Variants in AP1G2 observed in about 807,000 individuals in gnomAD.
AP1G2 encodes AP-1 complex subunit gamma-like 2.
AP1G2 carries 85 observed loss-of-function variants against 95.8 expected under a neutral mutation model. The ratio of observed to expected loss-of-function variants is 0.89; its 90% confidence interval spans 0.74 to 1.06. AP1G2 has a LOEUF of 1.06. AP1G2 is among the 50% of genes least tolerant of loss of function. The probability of loss-of-function intolerance (pLI) is 0.00; values close to 1 mark genes in which losing one functional copy is unlikely to be tolerated. For synonymous variants in AP1G2, 378 were observed against 400.0 expected (o/e 0.94, Z 0.66); for missense variants, 967 against 1,005.8 (o/e 0.96, Z 0.52).
intron 10 of AP1G2, 75 bp from the exon 11 acceptor site, chr14:23,564,234 A>T: frequency 6.2e-7 from 1 of 1,612,650 alleles, no homozygotes; most frequent in South Asian, 1.1e-5. Context: ...GGGTATAGGG[A>T]TAAGATAAGA....
Position 23,564,108 on chromosome 14 carries a change from A to C in AP1G2, c.1029T>G (p.Ala343=). Residue 343 remains alanine (A), a synonymous_variant, in exon 11 of 22, where the codon GCT becomes GCG. Transcript: ENST00000397120. The part of the protein sequence containing the change: ...LLRLVQSDHS[A]VQRHRPTVVE... ...CCACAGTGGGCCGATGCCGCTGCAC[A>C]GCACTGTGATCAGACTGCACCAGTC... 1 of 1,614,194 alleles carries C rather than the reference A, an allele frequency of 6.2e-7. No individual in the cohort carries two copies. The highest frequency in any genetic ancestry group is 8.5e-7 in the Non-Finnish European group (1 of 1,180,024).
At chr14:23,565,237 A>G (rs766617433) in intron 7 of AP1G2, 38 bp from the exon 8 acceptor site, 2 of 1,601,922 alleles carry the variant, frequency 1.2e-6, no homozygotes, top group East Asian at 4.5e-5. Flanking sequence ...GGAGGGGTTC[A>G]TAGGATAAGG....
intron 16 of AP1G2, 80 bp downstream of exon 16, chr14:23,562,208 C>T: frequency 1.3e-6 from 2 of 1,599,520 alleles, no homozygotes; most frequent in Non-Finnish European, 1.7e-6. Context: ...GAGGGCTGGG[C>T]ATGTATGCCT....
In AP1G2 at chr14:23,561,331, T is replaced by C; in HGVS notation, c.1958A>G (p.His653Arg). The C allele has an allele frequency of 6.4e-7, 1 of 1,570,770 alleles. No homozygotes were observed. Among genetic ancestry groups the C allele is most frequent in the Non-Finnish European group, 8.6e-7 (1 of 1,158,264 alleles). ...AGGTACACAGGGAAGGTCAAGCAGG[T>C]GTACCAGGGCACCTCCTGGGGAGGG... The part of the protein sequence containing the change: ...LDPSPGGALV[H>R]LLDLPCVPPP... Residue 653 changes from histidine to arginine, a missense_variant, in exon 19 of 22, where the codon CAC (histidine) becomes CGC (arginine). His to Arg is a conservative substitution (Grantham distance 29, BLOSUM62 0). Coordinates refer to ENST00000397120, the MANE Select transcript of AP1G2 (RefSeq NM_003917.5).
At chr14:23,564,711 C>T in intron 8 of AP1G2, 51 bp from the exon 9 acceptor site, 1 of 1,549,468 alleles carries the variant, frequency 6.5e-7, no homozygotes, top group Non-Finnish European at 8.9e-7. Flanking sequence ...CCTCAGGTCT[C>T]CTTTTTTTGA....
At position 23,561,380 on chromosome 14, in the gene AP1G2, C is replaced by T; in HGVS notation, c.1909G>A (p.Val637Ile). ...LDLLDGASGD[V>I]QHPPHLDPSP... ...GGGTCCAGATGGGGAGGATGCTGGACATCCCCAGAAGCCCCATCCAGGAGA... is the reference window on the plus strand; with the variant it reads ...GGGTCCAGATGGGGAGGATGCTGGATATCCCCAGAAGCCCCATCCAGGAGA... Residue 637 changes from valine (V) to isoleucine (I), a missense_variant, in exon 19 of 22, where the codon GTC becomes ATC. Transcript: ENST00000397120. 1 of 1,601,806 alleles carries T rather than the reference C, an allele frequency of 6.2e-7. No individual in the cohort carries two copies. Among genetic ancestry groups the T allele is most frequent in the Non-Finnish European group, 8.5e-7 (1 of 1,172,764 alleles).
chr14:23,566,447 A>G (rs1437667422), intron 3 of AP1G2, 28 bp from the exon 4 acceptor site: 2 of 1,609,762 alleles, frequency 1.2e-6, no homozygotes, highest in African/African-American at 2.7e-5. Flanking sequence ...ACGGTCAGTC[A>G]AACCTCTGAG....
At chr14:23,562,193 G>C (rs754663881) in intron 16 of AP1G2, 95 bp downstream of exon 16, 6 of 1,592,878 alleles carry the variant, frequency 3.8e-6, no homozygotes, top group African/African-American at 2.7e-5. Flanking sequence ...GGGCTAGGGG[G>C]TAGGGAGGGC....
Position 23,565,882 on chromosome 14 carries a change from C to A in AP1G2, c.579G>T (p.Leu193=). 1 of 1,587,016 alleles carries A rather than the reference C, an allele frequency of 6.3e-7. No individual in the cohort carries two copies. The change falls in exon 6 of 22, where the codon CTG becomes CTT. Residue 193 remains leucine, a synonymous_variant. Transcript: ENST00000397120. ...GCTCCGTGATCAGCGTGATGGTGCCCAGCAGGATGCCTGGGGTCAGCGTCG... is the reference window on the plus strand; with the variant it reads ...GCTCCGTGATCAGCGTGATGGTGCCAAGCAGGATGCCTGGGGTCAGCGTCG... The part of the protein sequence containing the change: ...LLHERHHGIL[L]GTITLITELC...
Position 23,562,368 on chromosome 14 carries a change from G to A in AP1G2, c.1548C>T (p.Ser516=), listed in dbSNP as rs569062719. The A allele has an allele frequency of 6.2e-7, 1 of 1,614,150 alleles. No individual in the cohort carries two copies. Among genetic ancestry groups the A allele is most frequent in the South Asian group, 1.1e-5 (1 of 91,090 alleles). ...VLALLEKVLQ[S]HMSLPATRGY... Reference sequence around the variant, plus strand: ...CTCGAGTGGCTGGCAGGGACATGTGGGACTGCAGCACCTTTTCCAGCAATG... The same window carrying A: ...CTCGAGTGGCTGGCAGGGACATGTGAGACTGCAGCACCTTTTCCAGCAATG... The change falls in exon 16 of 22, where the codon TCC becomes TCT. Residue 516 remains serine (S), a synonymous_variant. Coordinates refer to ENST00000397120, the MANE Select transcript of AP1G2 (RefSeq NM_003917.5).
intron 20 of AP1G2, 46 bp from the exon 21 acceptor site, chr14:23,560,082 C>A (rs200357528): frequency 2.5e-5 from 36 of 1,451,966 alleles, no homozygotes; most frequent in Non-Finnish European, 3.3e-5. Flanking sequence ...GTAGGTAGGG[C>A]TCAGGCAGCC....
rs1330591989 is a variant in AP1G2 at position 23,567,701 on chromosome 14, G to GCAGCGA, written c.-6+32_-6+37dup. The GCAGCGA allele has an allele frequency of 5.8e-6, 6 of 1,041,042 alleles. No homozygotes were observed. The East Asian group carries it at 3.0e-4, about 53-fold the overall frequency. The allele number at this position is 1,041,042 out of a possible 1,614,324, so 64.5% of individuals were successfully genotyped here. The stretch of plus-strand genomic sequence containing the variant: ...ATTTCCATCTCAGGCAGCGGCAGCG[G>GCAGCGA]CAGCGACAGCCTGCCTACCCCAGGA... On this transcript the variant is annotated intron_variant, in intron 1 of 21. Transcript: ENST00000397120. The surrounding 1 kb of genome is among the most constrained non-coding windows in gnomAD (Gnocchi z 5.3).
At position 23,562,882 on chromosome 14, in the gene AP1G2, G is replaced by A. The variant is rs2281679; in HGVS notation, c.1411-289C>T. 1.4e-5 allele frequency: 7 copies of A among 514,878 alleles called. No homozygotes were observed. The Admixed American group carries it at 2.0e-4, about 15-fold the overall frequency. The allele number at this position is 514,878 out of a possible 1,614,324, so 31.9% of individuals were successfully genotyped here. A position where few individuals can be genotyped will look rare whatever the true frequency, so the allele number is the denominator to read the frequency against. The stretch of plus-strand genomic sequence containing the variant: ...GGGGGGTTGGAGGAGTGGGGAAAGG[G>A]AAGTTTGTTACCTGGCTCCCACTGC... On this transcript the variant is annotated intron_variant, in intron 14 of 21. Transcript: ENST00000397120.
intron 17 of AP1G2, 25 bp downstream of exon 17, chr14:23,561,937 T>C (rs758206386): frequency 1.1e-5 from 18 of 1,586,420 alleles, no homozygotes; most frequent in Non-Finnish European, 1.5e-5. Flanking sequence ...TTGGGTCCCA[T>C]GCTGCAGCAC....
Position 23,561,964 on chromosome 14 carries a change from CAT to C in AP1G2, c.1729_1730del (p.Met577GlufsTer19), listed in dbSNP as rs1441013524. ...YDTLFRKYDH[M>X]RAAILEKMPL... ...CTGCAGCACAGTGCTGGACACACCT[CAT>C]GTGGTCGTATTTCCGGAAGAGTGTG... On this transcript the variant is annotated frameshift_variant, in exon 17 of 22. Coordinates refer to ENST00000397120, the MANE Select transcript of AP1G2 (RefSeq NM_003917.5). LOFTEE classifies it high-confidence loss of function. 6 of 1,608,352 alleles carry C rather than the reference CAT, an allele frequency of 3.7e-6. No homozygotes were observed. In the African/African-American group the frequency reaches 4.0e-5, roughly 11 times the overall value.
intron 17 of AP1G2, 124 bp downstream of exon 17, chr14:23,561,838 G>A (rs1461471493): frequency 6.1e-6 from 9 of 1,473,338 alleles, no homozygotes; most frequent in Non-Finnish European, 8.1e-6. Context: ...TTAACAGTGG[G>A]TGGGAAGCTC....
Position 23,565,712 on chromosome 14 carries a change from G to A in AP1G2, c.646-11C>T. 3 of 1,612,738 alleles carry A rather than the reference G, an allele frequency of 1.9e-6. No homozygotes were observed. Among genetic ancestry groups the A allele is most frequent in the Non-Finnish European group, 2.5e-6 (3 of 1,178,746 alleles). ...CAGCTGGGGTACCACCTGGAGGGAG[G>A]GCACAACTTTGGGCATTCGTTCTAA... On this transcript the variant is annotated splice_polypyrimidine_tract_variant and intron_variant, in intron 6 of 21. Coordinates refer to ENST00000397120, the MANE Select transcript of AP1G2 (RefSeq NM_003917.5).
chr14:23,563,843 G>C lies in AP1G2; in HGVS notation c.1105C>G (p.Leu369Val). 6.2e-7 allele frequency: 1 copy of C among 1,613,922 alleles called. No individual in the cohort carries two copies. Among genetic ancestry groups the C allele is most frequent in the Non-Finnish European group, 8.5e-7 (1 of 1,179,886 alleles). Residue 369 changes from leucine to valine, a missense_variant, in exon 12 of 22, where the codon CTA becomes GTA. By Grantham distance (32) the Leu-to-Val change is conservative. Coordinates refer to ENST00000397120, the MANE Select transcript of AP1G2 (RefSeq NM_003917.5). ...DASLSRRALE[L>V]SLALVNSSNV... ...GAGCTATTTACCAGAGCCAGGCTTAGTTCCAGGGCTCTCCTGGCAGGAGAA... is the reference window on the plus strand; with the variant it reads ...GAGCTATTTACCAGAGCCAGGCTTACTTCCAGGGCTCTCCTGGCAGGAGAA...
chr14:23,563,179 A>T, intron 14 of AP1G2: 1 of 1,432,702 alleles, frequency 7.0e-7, no homozygotes, highest in Non-Finnish European at 9.1e-7. Flanking sequence ...AGTCATCTGT[A>T]GTTACATAAC....
Sources: allele counts gnomAD v4.1 joint callset, GRCh38; gene constraint gnomAD v4.1.1; non-coding constraint Gnocchi (gnomAD v3.1); transcripts MANE v1.5; gene names NCBI Gene and HGNC (gene_info 2026-07-23, HGNC 2026-07-21).